The following RPS6KC1 variants were observed in gnomAD, a reference collection of about 807,000 sequenced individuals.
RPS6KC1 encodes the protein inactive ribosomal protein S6 kinase delta-1.
RPS6KC1 carries 54 observed loss-of-function variants against 103.8 expected under a neutral mutation model. The observed-to-expected ratio is 0.52, with a 90% CI of 0.42 to 0.65. The LOEUF (loss-of-function observed/expected upper bound fraction) is 0.65. Among genes scored for constraint, RPS6KC1 ranks in the 30% least tolerant of loss-of-function variants. The probability of loss-of-function intolerance (pLI) is 0.00; values close to 1 mark genes in which losing one functional copy is unlikely to be tolerated. For synonymous variants in RPS6KC1, 439 were observed against 438.7 expected (o/e 1.00, Z -0.01); for missense variants, 1,151 against 1,253.8 (o/e 0.92, Z 1.24).
the RPS6KC1 span, among the ~76,000 whole-genome samples, chr1:213,552,682 TC>T: frequency 3.3e-5 from 5 of 152,310 alleles, no homozygotes; most frequent in African/African-American, 1.2e-4. Flanking sequence ...AGTCTCAATC[TC>T]CATATGGCAC....
At chr1:213,350,952 T>A in the RPS6KC1 span, among the ~76,000 whole-genome samples, 1 of 152,220 alleles carries the variant, frequency 6.6e-6, no homozygotes, top group Non-Finnish European at 1.5e-5. Flanking sequence ...TATGTTTTCT[T>A]GTCGTCAAAT....
At chr1:213,266,864 C>T (rs578148196) in intron 14 of RPS6KC1, among the ~76,000 whole-genome samples, 116 of 151,772 alleles carry the variant, frequency 7.6e-4, no homozygotes, top group Middle Eastern at 3.4e-3. Context: ...GATCGCGCCA[C>T]TGCACTCCAG....
chr1:213,767,870 T>G, the RPS6KC1 span, among the ~76,000 whole-genome samples: 1 of 152,150 alleles, frequency 6.6e-6, no homozygotes, highest in Non-Finnish European at 1.5e-5. Context: ...GGGAAACTTC[T>G]CAAGGTCAGG....
chr1:213,114,845 T>C (rs1397331314), intron 4 of RPS6KC1, among the ~76,000 whole-genome samples: 2 of 152,352 alleles, frequency 1.3e-5, no homozygotes, highest in Non-Finnish European at 2.9e-5. Context: ...GTTTATATGC[T>C]GGATTACATT....
the RPS6KC1 span, among the ~76,000 whole-genome samples, chr1:213,744,253 T>C: frequency 6.6e-6 from 1 of 151,966 alleles, no homozygotes; most frequent in Non-Finnish European, 1.5e-5. Context: ...AATTTGTTTA[T>C]CCATGTAAAC....
the RPS6KC1 span, among the ~76,000 whole-genome samples, chr1:213,511,245 A>G: frequency 6.6e-6 from 1 of 152,024 alleles, no homozygotes; most frequent in African/African-American, 2.4e-5. Flanking sequence ...AACTGGGGGC[A>G]CTGTTCTCCT....
chr1:213,596,107 A>G, the RPS6KC1 span, among the ~76,000 whole-genome samples: 1 of 152,268 alleles, frequency 6.6e-6, no homozygotes. Flanking sequence ...TGAAAATGAC[A>G]GGAAGTGACA....
the RPS6KC1 span, among the ~76,000 whole-genome samples, chr1:213,428,524 C>CCTTCCTTCCTTCCTTACTCTT: frequency 2.3e-5 from 1 of 43,182 alleles, no homozygotes; most frequent in Non-Finnish European, 4.6e-5. Flanking sequence ...CTTCCTCTTT[C>CCTTCCTTCCTTCCTTACTCTT]TCTCTCTCTC....
chr1:213,340,959 T>C, the RPS6KC1 span, among the ~76,000 whole-genome samples: 1 of 152,252 alleles, frequency 6.6e-6, no homozygotes, highest in African/African-American at 2.4e-5. Context: ...AGTCCTACCC[T>C]GCCCTTTATC....
downstream of RPS6KC1, among the ~76,000 whole-genome samples, chr1:213,276,652 A>G (rs761492092): frequency 6.6e-6 from 1 of 152,204 alleles, no homozygotes; most frequent in Non-Finnish European, 1.5e-5. Flanking sequence ...ATTGGTACTT[A>G]ACTGTTTTCT....
At chr1:213,308,376 G>A in the RPS6KC1 span, among the ~76,000 whole-genome samples, 1 of 151,454 alleles carries the variant, frequency 6.6e-6, no homozygotes, top group Non-Finnish European at 1.5e-5. Context: ...AAGAAAAATG[G>A]GAAATACACC....
At chr1:213,149,243 A>G (rs1469966536) in intron 6 of RPS6KC1, among the ~76,000 whole-genome samples, 1 of 151,874 alleles carries the variant, frequency 6.6e-6, no homozygotes, top group Admixed American at 6.6e-5. Context: ...GTTGTGTAAG[A>G]TGCTCATTTG....
the RPS6KC1 span, among the ~76,000 whole-genome samples, chr1:213,766,638 T>C: frequency 6.6e-6 from 1 of 152,208 alleles, no homozygotes; most frequent in Admixed American, 6.5e-5. Flanking sequence ...TACTGTCTCT[T>C]TTGCAGCAGT....
the RPS6KC1 span, among the ~76,000 whole-genome samples, chr1:213,654,977 CA>C: frequency 6.6e-6 from 1 of 152,162 alleles, no homozygotes; most frequent in Non-Finnish European, 1.5e-5. Flanking sequence ...ACTAACTGCC[CA>C]AGTGTCCCAG....
At chr1:213,214,504 T>A (rs2093606432) in intron 8 of RPS6KC1, among the ~76,000 whole-genome samples, 1 of 152,186 alleles carries the variant, frequency 6.6e-6, no homozygotes, top group African/African-American at 2.4e-5. Flanking sequence ...TAAATGTCCC[T>A]GTCTGACAGC....
chr1:213,639,535 T>C, the RPS6KC1 span, among the ~76,000 whole-genome samples: 3 of 151,948 alleles, frequency 2.0e-5, no homozygotes, highest in Admixed American at 2.0e-4. Flanking sequence ...TTTTTTGGGA[T>C]TTTTTGGTAG....
At chr1:213,281,842 G>A in the RPS6KC1 span, among the ~76,000 whole-genome samples, 11 of 152,124 alleles carry the variant, frequency 7.2e-5, no homozygotes, top group East Asian at 1.9e-4. Flanking sequence ...GAATGCTCCC[G>A]TCTCTACCTC....
intron 3 of RPS6KC1, 43 bp downstream of exon 3, chr1:213,077,859 T>A: frequency 8.2e-7 from 1 of 1,213,856 alleles, no homozygotes; most frequent in Non-Finnish European, 1.1e-6. Context: ...AAATAATTAA[T>A]TTTGTATATA....
chr1:213,112,681 A>G (rs935938378), intron 4 of RPS6KC1, among the ~76,000 whole-genome samples: 2 of 151,982 alleles, frequency 1.3e-5, no homozygotes, highest in Non-Finnish European at 2.9e-5. Context: ...GTCATCTAGC[A>G]TTAGGTATAT....
Sources: allele counts gnomAD v4.1 joint callset (sites outside exome capture counted in the v4.1 genomes callset), GRCh38; gene constraint gnomAD v4.1.1; transcripts MANE v1.5; gene names NCBI Gene and HGNC (gene_info 2026-07-23, HGNC 2026-07-21).